Variants in SYNPO2 observed in about 807,000 individuals in gnomAD.
SYNPO2 encodes synaptopodin 2, also known as synaptopodin-2.
A neutral mutation model predicts 85.0 loss-of-function variants in SYNPO2; 56 were observed. The ratio of observed to expected loss-of-function variants is 0.66; its 90% CI spans 0.53 to 0.82. SYNPO2 has a LOEUF of 0.82. Ranked by LOEUF, SYNPO2 falls within the 40% of genes least tolerant of loss-of-function variation. SYNPO2 has a pLI of 0.00. For synonymous variants in SYNPO2, 602 were observed against 591.1 expected, an observed-to-expected ratio of 1.02 and a Z score of -0.27; for missense variants, 1,575 against 1,534.2, an observed-to-expected ratio of 1.03 and a Z score of -0.44.
chr4:118,963,633 A>T lies in SYNPO2; in HGVS notation c.106-59797A>T, dbSNP rs191781783. 1.7e-3 allele frequency among the ~76,000 whole-genome samples: 265 copies of T among 152,282 alleles called. 1 individual carries two copies. Among genetic ancestry groups the T allele is most frequent in the East Asian group, 3.7e-3 (19 of 5,184 alleles). On this transcript the variant is annotated intron_variant, in intron 1 of 4. Coordinates refer to ENST00000307142, the MANE Select transcript of SYNPO2 (RefSeq NM_133477.3). The stretch of plus-strand genomic sequence containing the variant: ...CCAGCTCACATCTTTACATTTTTTT[A>T]AAAAAATCAGATTTTATTATACTTG...
Position 119,027,189 on chromosome 4 carries a change from A to G in SYNPO2, c.820A>G (p.Ser274Gly). 6.2e-7 allele frequency: 1 copy of G among 1,614,166 alleles called. No homozygotes were observed. Among genetic ancestry groups the G allele is most frequent in the Non-Finnish European group, 8.5e-7 (1 of 1,180,030 alleles). Reference sequence around the variant, plus strand: ...CAGAGAGTTGAGAGTGATCCAGGAAAGTGAAGCAGGAGATGCGGGACTGCC... The same window carrying G: ...CAGAGAGTTGAGAGTGATCCAGGAAGGTGAAGCAGGAGATGCGGGACTGCC... ...SGRELRVIQE[S>G]EAGDAGLPRV... is the part of the protein sequence containing the mutation. The change falls in exon 3 of 5, where the codon AGT (serine) becomes GGT (glycine). Residue 274 changes from serine (S) to glycine (G), a missense_variant. Physicochemically the swap from Ser to Gly is moderately conservative, Grantham distance 56. Coordinates refer to ENST00000307142, the MANE Select transcript of SYNPO2 (RefSeq NM_133477.3).
chr4:119,023,598 G>A lies in SYNPO2; in HGVS notation c.257+17G>A, dbSNP rs760499847. ...CATCAAAAGGTACAACAGATTTGCTGGAATATGTATTTTCTCTTGAAGCTA... is the reference window on the plus strand; with the variant it reads ...CATCAAAAGGTACAACAGATTTGCTAGAATATGTATTTTCTCTTGAAGCTA... On this transcript the variant is annotated intron_variant, in intron 2 of 4. Transcript: ENST00000307142. The A allele has an allele frequency of 1.2e-6, 2 of 1,602,948 alleles. No homozygotes were observed. Among genetic ancestry groups the A allele is most frequent in the South Asian group, 1.1e-5 (1 of 89,012 alleles).
At chr4:118,905,592 C>T (rs908560465) in intron 1 of SYNPO2, among the ~76,000 whole-genome samples, 5 of 152,138 alleles carry the variant, frequency 3.3e-5, no homozygotes, top group Non-Finnish European at 5.9e-5. Context: ...TCCAGGAGTG[C>T]GTTTCAACAG....
chr4:118,923,888 C>CAAAAAAAAA (rs35102295), intron 1 of SYNPO2, among the ~76,000 whole-genome samples: 1 of 128,838 alleles, frequency 7.8e-6, no homozygotes. Context: ...AGACTGCACT[C>CAAAAAAAAA]AAAAAAAAAA....
chr4:118,994,488 A>C (rs1172231249), intron 1 of SYNPO2, among the ~76,000 whole-genome samples: 1 of 152,232 alleles, frequency 6.6e-6, no homozygotes, highest in Non-Finnish European at 1.5e-5. Flanking sequence ...AAGAATTGAG[A>C]GATGGAGTGA....
intron 1 of SYNPO2, among the ~76,000 whole-genome samples, chr4:118,971,037 A>G (rs1158558601): frequency 6.6e-6 from 1 of 152,288 alleles, no homozygotes; most frequent in East Asian, 1.9e-4. Flanking sequence ...AGCTGGGGTC[A>G]CTTTGGGACT....
At chr4:118,914,303 T>C (rs1733239440) in intron 1 of SYNPO2, among the ~76,000 whole-genome samples, 1 of 152,130 alleles carries the variant, frequency 6.6e-6, no homozygotes, top group Non-Finnish European at 1.5e-5. Flanking sequence ...TTCAGGAGAA[T>C]GGCCAGGGCT....
intron 1 of SYNPO2, among the ~76,000 whole-genome samples, chr4:119,004,408 G>A: frequency 6.9e-6 from 1 of 145,036 alleles, no homozygotes; most frequent in African/African-American, 2.6e-5. Context: ...CCCGGTGTGT[G>A]ATGTTCCCCT....
intron 1 of SYNPO2, among the ~76,000 whole-genome samples, chr4:119,002,147 C>T (rs1405927502): frequency 1.3e-5 from 2 of 152,156 alleles, no homozygotes; most frequent in African/African-American, 4.8e-5. Context: ...TAATTGACAA[C>T]TGTCTTTCTT....
chr4:118,900,697 C>CTATATATATATA (rs1165068182), intron 1 of SYNPO2, among the ~76,000 whole-genome samples: 6 of 37,176 alleles, frequency 1.6e-4, no homozygotes, highest in South Asian at 1.2e-3. Context: ...CTCTCTCTCT[C>CTATATATATATA]TCTCTCTATA....
chr4:118,981,971 G>A (rs1444660087), intron 1 of SYNPO2, among the ~76,000 whole-genome samples: 1 of 152,134 alleles, frequency 6.6e-6, no homozygotes, highest in African/African-American at 2.4e-5. Context: ...CCACTTGAGG[G>A]CGGCATTGCC....
chr4:119,025,101 A>G (rs983821522), intron 2 of SYNPO2, among the ~76,000 whole-genome samples: 7 of 152,184 alleles, frequency 4.6e-5, no homozygotes, highest in Non-Finnish European at 2.9e-5. Flanking sequence ...ATATTTACTC[A>G]TGTCTATTTA....
intron 1 of SYNPO2, among the ~76,000 whole-genome samples, chr4:119,000,453 T>C (rs1203884109): frequency 1.3e-5 from 2 of 152,150 alleles, no homozygotes; most frequent in East Asian, 1.9e-4. Flanking sequence ...ATGACTGTCA[T>C]GTAAAACAGC....
intron 1 of SYNPO2, among the ~76,000 whole-genome samples, chr4:118,960,933 T>G: frequency 6.6e-6 from 1 of 152,152 alleles, no homozygotes; most frequent in Non-Finnish European, 1.5e-5. Flanking sequence ...ATTTCCTCCC[T>G]GCCAAAATTT....
At chr4:118,928,055 C>T (rs1733797458) in intron 1 of SYNPO2, among the ~76,000 whole-genome samples, 1 of 152,146 alleles carries the variant, frequency 6.6e-6, no homozygotes, top group Admixed American at 6.6e-5. Flanking sequence ...GGCTGCTTGG[C>T]TCCCATCACA....
chr4:118,938,959 G>C (rs916118850), intron 1 of SYNPO2, among the ~76,000 whole-genome samples: 1 of 152,050 alleles, frequency 6.6e-6, no homozygotes, highest in Non-Finnish European at 1.5e-5. Flanking sequence ...CTTCTTAATG[G>C]TATTTCCATG....
Position 119,030,718 on chromosome 4 carries a change from C to T in SYNPO2, c.1943C>T (p.Pro648Leu), listed in dbSNP as rs759612951. 4 of 1,614,204 alleles carry T rather than the reference C, an allele frequency of 2.5e-6. No individual in the cohort carries two copies. Among genetic ancestry groups the T allele is most frequent in the Non-Finnish European group, 3.4e-6 (4 of 1,180,038 alleles). ...ATTGCTGGCCCAGCACAGCCCCCTCCATGGCCCCAGCCTGCCCCGTGGTCC... is the reference window on the plus strand; with the variant it reads ...ATTGCTGGCCCAGCACAGCCCCCTCTATGGCCCCAGCCTGCCCCGTGGTCC... Reference protein sequence around the residue: ...SPIAGPAQPPPWPQPAPWSQP... With the variant: ...SPIAGPAQPPLWPQPAPWSQP... Residue 648 changes from proline (P) to leucine (L), a missense_variant, in exon 4 of 5, where the codon CCA becomes CTA. Pro to Leu is a moderately conservative substitution (Grantham distance 98, BLOSUM62 -3). Transcript: ENST00000307142.
At chr4:118,982,702 T>C (rs958156214) in intron 1 of SYNPO2, among the ~76,000 whole-genome samples, 3 of 152,226 alleles carry the variant, frequency 2.0e-5, no homozygotes, top group Non-Finnish European at 4.4e-5. Flanking sequence ...ATTTAAGTTC[T>C]CTTTCCAAAT....
chr4:118,949,846 C>A (rs1246812430), intron 1 of SYNPO2, among the ~76,000 whole-genome samples: 1 of 152,126 alleles, frequency 6.6e-6, no homozygotes, highest in Admixed American at 6.6e-5. Context: ...ATCGTCATTA[C>A]CCTGCACTTT....
Sources: allele counts gnomAD v4.1 joint callset (sites outside exome capture counted in the v4.1 genomes callset), GRCh38; gene constraint gnomAD v4.1.1; transcripts MANE v1.5; gene names NCBI Gene and HGNC (gene_info 2026-07-23, HGNC 2026-07-21).